The following CDH18 variants were observed in gnomAD, a reference collection of about 807,000 sequenced individuals.
CDH18 encodes the protein cadherin 18.
CDH18 carries 31 observed loss-of-function variants against 67.9 expected under a neutral mutation model. The observed-to-expected ratio is 0.46, with a 90% confidence interval of 0.34 to 0.62. The LOEUF (loss-of-function observed/expected upper bound fraction) is 0.62. CDH18 is among the 20% of genes least tolerant of loss of function. The pLI, the probability that CDH18 is intolerant of heterozygous loss-of-function variation, is 0.01. For synonymous variants in CDH18, 362 were observed against 347.2 expected (o/e 1.04, Z -0.48); for missense variants, 890 against 975.5 (o/e 0.91, Z 1.17).
chr5:20,413,335 G>T (rs191185899), intron 1 of CDH18, among the ~76,000 whole-genome samples: 3 of 152,152 alleles, frequency 2.0e-5, no homozygotes, highest in Non-Finnish European at 4.4e-5. Flanking sequence ...CCAGTAATGG[G>T]ATGGCTGGGT....
Position 19,471,872 on chromosome 5 carries a change from G to A in CDH18, c.*1354C>T, listed in dbSNP as rs1043012859. 6.6e-6 allele frequency among the ~76,000 whole-genome samples: 1 copy of A among 152,088 alleles called. No homozygotes were observed. The highest frequency in any genetic ancestry group is 2.4e-5 in the African/African-American group (1 of 41,414). ...CTAATGAAACTAGAAAATTAGATAA[G>A]CGTCTGCAAGCTTTTATGCAATTGA... is the stretch of plus-strand genomic sequence containing the variant. On this transcript the variant is annotated 3_prime_UTR_variant, in exon 13 of 13. Coordinates refer to ENST00000382275, the MANE Select transcript of CDH18 (RefSeq NM_004934.5).
chr5:20,215,161 G>A (rs116782207), intron 2 of CDH18, among the ~76,000 whole-genome samples: 2,348 of 152,002 alleles, frequency 0.015, 23 homozygotes, highest in Middle Eastern at 0.027. Context: ...CAGTCAGAAT[G>A]GCTATTATTA....
intron 11 of CDH18, among the ~76,000 whole-genome samples, chr5:19,499,791 T>C (rs757517212): frequency 6.6e-6 from 1 of 152,108 alleles, no homozygotes; most frequent in Non-Finnish European, 1.5e-5. Context: ...AACAACAACA[T>C]GCATCTCTTT....
chr5:19,633,669 A>T (rs1472740889), intron 5 of CDH18, among the ~76,000 whole-genome samples: 2 of 151,686 alleles, frequency 1.3e-5, no homozygotes, highest in Non-Finnish European at 2.9e-5. Context: ...TCTCTCTCTC[A>T]CCCAGGCTGG....
At chr5:20,352,246 G>A (rs1741241500) in intron 1 of CDH18, among the ~76,000 whole-genome samples, 1 of 152,076 alleles carries the variant, frequency 6.6e-6, no homozygotes, top group African/African-American at 2.4e-5. Context: ...CGAAGAGAAT[G>A]GAGACCTCCA....
At chr5:19,729,307 T>G (rs1273371303) in intron 4 of CDH18, among the ~76,000 whole-genome samples, 1 of 152,228 alleles carries the variant, frequency 6.6e-6, no homozygotes, top group Non-Finnish European at 1.5e-5. Flanking sequence ...AACAATAATC[T>G]ATTGAGAAAA....
chr5:20,473,983 T>C (rs1399081732), intron 1 of CDH18, among the ~76,000 whole-genome samples: 28 of 152,192 alleles, frequency 1.8e-4, no homozygotes, highest in Admixed American at 1.8e-3. Context: ...TATCATCCTT[T>C]TGCTTGCCAC....
chr5:20,235,430 C>CA (rs1742397568), intron 2 of CDH18, among the ~76,000 whole-genome samples: 1 of 151,768 alleles, frequency 6.6e-6, no homozygotes, highest in Non-Finnish European at 1.5e-5. Context: ...AATCAACAAG[C>CA]AAAAAATGAA....
chr5:19,634,558 G>T (rs914729382), intron 5 of CDH18, among the ~76,000 whole-genome samples: 2 of 152,138 alleles, frequency 1.3e-5, no homozygotes, highest in Non-Finnish European at 2.9e-5. Flanking sequence ...GCAAAAGTTA[G>T]CATTTTTCTT....
intron 1 of CDH18, among the ~76,000 whole-genome samples, chr5:19,983,628 A>G (rs1443009677): frequency 6.6e-6 from 1 of 152,204 alleles, no homozygotes; most frequent in Admixed American, 6.5e-5. Flanking sequence ...AGAAATTTAT[A>G]TATCAGAACT....
chr5:20,288,776 G>A (rs1219251166), intron 1 of CDH18, among the ~76,000 whole-genome samples: 4 of 151,558 alleles, frequency 2.6e-5, no homozygotes, highest in East Asian at 1.9e-4. Context: ...ACAGGCAGAC[G>A]GCATATCCCT....
At chr5:20,092,441 C>T (rs1431095775) in intron 2 of CDH18, among the ~76,000 whole-genome samples, 1 of 151,872 alleles carries the variant, frequency 6.6e-6, no homozygotes, top group African/African-American at 2.4e-5. Context: ...AATGACAAAA[C>T]AACCTAAAGA....
At chr5:19,845,974 G>A (rs1012526630) in intron 2 of CDH18, among the ~76,000 whole-genome samples, 4 of 151,908 alleles carry the variant, frequency 2.6e-5, no homozygotes, top group African/African-American at 9.6e-5. Flanking sequence ...ACTATTTTTT[G>A]ATTTGGAAAT....
chr5:20,183,615 A>G (rs1737866579), intron 2 of CDH18, among the ~76,000 whole-genome samples: 1 of 152,072 alleles, frequency 6.6e-6, no homozygotes, highest in Non-Finnish European at 1.5e-5. Context: ...ATAAGTAGTT[A>G]TTTTATGATT....
At chr5:20,461,163 C>G (rs1010329481) in intron 1 of CDH18, among the ~76,000 whole-genome samples, 14 of 152,146 alleles carry the variant, frequency 9.2e-5, no homozygotes, top group African/African-American at 3.4e-4. Context: ...TGTACTTAGT[C>G]CTTAAGTGCT....
chr5:20,270,855 A>G (rs954519522), intron 1 of CDH18, among the ~76,000 whole-genome samples: 6 of 152,168 alleles, frequency 3.9e-5, no homozygotes, highest in Non-Finnish European at 8.8e-5. Flanking sequence ...GTTGGAGGCC[A>G]TTATCCTTAG....
At chr5:19,958,948 A>T (rs6451575) in intron 2 of CDH18, among the ~76,000 whole-genome samples, 85,691 of 151,834 alleles carry the variant, frequency 0.56, 24,398 homozygotes, top group Middle Eastern at 0.7. Flanking sequence ...CTGCCATACC[A>T]TCTTCTGCAC....
intron 2 of CDH18, among the ~76,000 whole-genome samples, chr5:19,980,746 C>T (rs1194688054): frequency 6.6e-6 from 1 of 152,076 alleles, no homozygotes; most frequent in Non-Finnish European, 1.5e-5. Context: ...GTATTTTATA[C>T]CCGCACCACA....
chr5:20,258,008 C>CTA (rs35088679), intron 1 of CDH18, among the ~76,000 whole-genome samples: 61,588 of 151,638 alleles, frequency 0.41, 12,519 homozygotes, highest in South Asian at 0.47. Flanking sequence ...TCAAAATTTT[C>CTA]TGTTATTTTG....
Sources: gnomAD v4.1 joint callset for allele counts (sites outside exome capture counted in the v4.1 genomes callset) on GRCh38, gnomAD v4.1.1 for gene constraint, MANE v1.5 for transcripts, NCBI Gene and HGNC (gene_info 2026-07-23, HGNC 2026-07-21) for gene names.